ZC3H4: variants seen among roughly 807,000 people sequenced by gnomAD.
ZC3H4 encodes the protein zinc finger CCCH domain-containing protein 4.
A neutral mutation model predicts 108.3 loss-of-function variants in ZC3H4; 13 were observed. That is an observed-to-expected ratio of 0.12 (90% CI 0.08 to 0.19). ZC3H4 has a LOEUF of 0.19. ZC3H4 is among the 10% of genes least tolerant of loss of function. ZC3H4 has a pLI of 1.00. For missense variants in ZC3H4, 1,734 were observed against 1,838.8 expected (o/e 0.94, Z 1.04); for synonymous variants, 917 against 749.6 (o/e 1.22, Z -3.65).
Position 47,067,893 on chromosome 19 carries a change from G to T in ZC3H4, c.2399-24C>A. On this transcript the variant is annotated intron_variant, in intron 14 of 14. Coordinates refer to ENST00000253048, the MANE Select transcript of ZC3H4 (RefSeq NM_015168.2). The surrounding 1 kb of genome is among the most constrained non-coding windows in gnomAD (Gnocchi z 6.4). ...ACCTGGGAAAGAACAGAGGAGCAGG[G>T]AGGGGTGAGTGGGCGCATCCACCAC... 2 of 1,562,706 alleles carry T rather than the reference G, an allele frequency of 1.3e-6. 1 individual carries two copies. The highest frequency in any genetic ancestry group is 2.3e-5 in the South Asian group (2 of 85,778).
intron 2 of ZC3H4, among the ~76,000 whole-genome samples, chr19:47,110,165 T>G (rs1447170876): frequency 6.6e-6 from 1 of 151,890 alleles, no homozygotes; most frequent in Non-Finnish European, 1.5e-5. Flanking sequence ...CAAGAGACAT[T>G]GGAGTAAAAT....
rs539535057 is a variant in ZC3H4, at chr19:47,066,950, G to A, written c.3318C>T (p.Thr1106=). 186 of 1,593,896 alleles carry A rather than the reference G, an allele frequency of 1.2e-4. 1 individual carries two copies. Among genetic ancestry groups the A allele is most frequent in the Admixed American group, 9.1e-4 (53 of 58,446 alleles). Residue 1106 remains threonine (T), a synonymous_variant, in exon 15 of 15, where the codon ACC becomes ACT. Transcript: ENST00000253048. ...KPGPAEAPSP[T]ASPSGDASPP... The stretch of plus-strand genomic sequence containing the variant: ...GGGAGGCATCCCCACTCGGGCTGGC[G>A]GTGGGAGAGGGCGCCTCAGCAGGGC...
rs537658827 is a variant in ZC3H4, at chr19:47,072,555, G to A, written c.1599C>T (p.Asn533=). 4.7e-5 allele frequency: 73 copies of A among 1,542,400 alleles called. No homozygotes were observed. The Middle Eastern group carries it at 1.4e-3, about 29-fold the overall frequency. The change falls in exon 12 of 15, where the codon AAC becomes AAT. Residue 533 remains asparagine, a synonymous_variant. Coordinates refer to ENST00000253048, the MANE Select transcript of ZC3H4 (RefSeq NM_015168.2). The surrounding 1 kb of genome is among the most constrained non-coding windows in gnomAD (Gnocchi z 5.6). ...PPGPQAPTSP[N]GRPMQGGPPP... The stretch of plus-strand genomic sequence containing the variant: ...GGGGGCCACCCTGCATGGGCCTGCC[G>A]TTGGGAGAGGTTGGAGCCTGCGGGC...
intron 5 of ZC3H4, among the ~76,000 whole-genome samples, chr19:47,087,424 T>C (rs553024658): frequency 1.5e-5 from 2 of 134,296 alleles, no homozygotes; most frequent in South Asian, 4.6e-4. Flanking sequence ...TTGGTTTCAC[T>C]TTTTTCTTCA....
intron 5 of ZC3H4, among the ~76,000 whole-genome samples, chr19:47,088,946 G>T (rs1012459835): frequency 6.6e-6 from 1 of 152,028 alleles, no homozygotes; most frequent in Non-Finnish European, 1.5e-5. Context: ...GGTGGCTCAC[G>T]CCTGTAATCC....
At chr19:47,087,297 C>CACAA (rs368717305) in intron 5 of ZC3H4, among the ~76,000 whole-genome samples, 3 of 146,600 alleles carry the variant, frequency 2.0e-5, no homozygotes, top group South Asian at 2.2e-4. Flanking sequence ...CACACACACA[C>CACAA]AAAAAAAAAC....
At chr19:47,081,451 G>A (rs1455990972) in intron 11 of ZC3H4, 62 bp downstream of exon 11, 4 of 1,311,658 alleles carry the variant, frequency 3.0e-6, no homozygotes, top group African/African-American at 2.9e-5. Flanking sequence ...ACAGCACTGA[G>A]GCAATGGAGT....
At chr19:47,074,218 T>C (rs1266727146) in intron 11 of ZC3H4, among the ~76,000 whole-genome samples, 1 of 152,206 alleles carries the variant, frequency 6.6e-6, no homozygotes, top group Non-Finnish European at 1.5e-5. Flanking sequence ...CAATTCATAG[T>C]GTCTGTCCAG....
chr19:47,099,326 G>GA (rs1461067091), intron 2 of ZC3H4, among the ~76,000 whole-genome samples: 1 of 152,036 alleles, frequency 6.6e-6, no homozygotes, highest in Non-Finnish European at 1.5e-5. Context: ...GGGCTTGGAA[G>GA]AACACGCCTG....
At position 47,067,262 on chromosome 19, in the gene ZC3H4, C is replaced by T; in HGVS notation, c.3006G>A (p.Leu1002=). Residue 1002 remains leucine, a synonymous_variant, in exon 15 of 15, where the codon CTG becomes CTA. Coordinates refer to ENST00000253048, the MANE Select transcript of ZC3H4 (RefSeq NM_015168.2). The surrounding 1 kb of genome is among the most constrained non-coding windows in gnomAD (Gnocchi z 6.4). Reference sequence around the variant, plus strand: ...GGGGGTCCAGGGTGGGCATGGATTGCAGGGCCGCGGGCACGGGGGGCACTG... The same window carrying T: ...GGGGGTCCAGGGTGGGCATGGATTGTAGGGCCGCGGGCACGGGGGGCACTG... ...QDAVPPVPAA[L]QSMPTLDPRL... The T allele has an allele frequency of 6.3e-7, 1 of 1,592,332 alleles. No homozygotes were observed. Among genetic ancestry groups the T allele is most frequent in the Non-Finnish European group, 8.6e-7 (1 of 1,169,294 alleles).
chr19:47,102,511 AT>A (rs1488994215), intron 2 of ZC3H4, among the ~76,000 whole-genome samples: 1 of 152,222 alleles, frequency 6.6e-6, no homozygotes, highest in Non-Finnish European at 1.5e-5. Context: ...CCCAGTCTCC[AT>A]AACTGTGCAG....
rs775874598 is a variant in ZC3H4 at position 47,086,508 on chromosome 19, C to G, written c.746G>C (p.Gly249Ala). The G allele has an allele frequency of 1.2e-6, 2 of 1,602,070 alleles. No homozygotes were observed. The highest frequency in any genetic ancestry group is 1.3e-5 in the African/African-American group (1 of 74,666). Reference sequence around the variant, plus strand: ...TCGCGATCCTCCACGGCTTCCTCGGCCCCTGTAGCCCCGGCCCCGGCCTCG... The same window carrying G: ...TCGCGATCCTCCACGGCTTCCTCGGGCCCTGTAGCCCCGGCCCCGGCCTCG... ...GSRGRGRGYR[G>A]RGSRGGSRGR... Residue 249 changes from glycine to alanine, a missense_variant, in exon 6 of 15, where the codon GGC becomes GCC. Gly to Ala is a moderately conservative substitution (Grantham distance 60). This residue lies in a region of ZC3H4 where 403 missense variants were observed against 457.0 expected (regional missense o/e 0.88). Transcript: ENST00000253048.
At chr19:47,081,733 C>T in intron 10 of ZC3H4, 111 bp from the exon 11 acceptor site, 1 of 968,134 alleles carries the variant, frequency 1.0e-6, no homozygotes. Context: ...AAATCTGAGC[C>T]CAGAGAGGTG....
chr19:47,094,230 C>T, intron 3 of ZC3H4, 150 bp from the exon 4 acceptor site: 2 of 1,096,836 alleles, frequency 1.8e-6, no homozygotes, highest in Middle Eastern at 2.5e-4. Flanking sequence ...GGCAATGAAG[C>T]ATAAGCTACC....
At chr19:47,084,005 C>T (rs940473031) in intron 9 of ZC3H4, among the ~76,000 whole-genome samples, 1 of 152,154 alleles carries the variant, frequency 6.6e-6, no homozygotes, top group Non-Finnish European at 1.5e-5. Context: ...CCCCATTCAA[C>T]CCTGAAGCTC....
intron 4 of ZC3H4, among the ~76,000 whole-genome samples, chr19:47,091,900 A>G (rs1036519094): frequency 6.6e-6 from 1 of 152,078 alleles, no homozygotes; most frequent in Non-Finnish European, 1.5e-5. Context: ...CTCTAAATAA[A>G]TGAATGAATG....
intron 11 of ZC3H4, among the ~76,000 whole-genome samples, chr19:47,080,201 C>A (rs1338082335): frequency 6.6e-6 from 1 of 152,128 alleles, no homozygotes; most frequent in Non-Finnish European, 1.5e-5. Flanking sequence ...GTTCCCGTAC[C>A]CACTCACTCC....
At chr19:47,089,711 C>G (rs1048769950) in intron 5 of ZC3H4, among the ~76,000 whole-genome samples, 2 of 152,034 alleles carry the variant, frequency 1.3e-5, no homozygotes, top group African/African-American at 4.8e-5. Context: ...CTTCTCCCCC[C>G]ACAGCTGACC....
rs764776440 is a variant in ZC3H4, at chr19:47,069,271, G to A, written c.2219C>T (p.Pro740Leu). 9 of 1,613,924 alleles carry A rather than the reference G, an allele frequency of 5.6e-6. No homozygotes were observed. Among genetic ancestry groups the A allele is most frequent in the East Asian group, 4.5e-5 (2 of 44,856 alleles). ...EHLFPEHPLE[P>L]DSFSEGGPPG... is the part of the protein sequence containing the mutation. The stretch of plus-strand genomic sequence containing the variant: ...GGGCCCTCCCTCAGAGAAGCTGTCG[G>A]GCTCCAGAGGGTGCTCAGGGAAGAG... The change falls in exon 14 of 15, where the codon CCC becomes CTC. Residue 740 changes from proline to leucine, a missense_variant. Coordinates refer to ENST00000253048, the MANE Select transcript of ZC3H4 (RefSeq NM_015168.2).
Sources: gnomAD v4.1 joint callset for allele counts (sites outside exome capture counted in the v4.1 genomes callset) on GRCh38, gnomAD v4.1.1 for gene constraint, gnomAD v4.1.1 regional missense constraint, Gnocchi (gnomAD v3.1) non-coding constraint, MANE v1.5 for transcripts, NCBI Gene and HGNC (gene_info 2026-07-23, HGNC 2026-07-21) for gene names.